Variants in ADGRB1 observed in about 807,000 individuals in gnomAD.
ADGRB1 encodes brain-specific angiogenesis inhibitor 1.
Under a neutral mutation model 175.7 loss-of-function variants are expected in ADGRB1, and 36 were observed. The ratio of observed to expected loss-of-function variants is 0.20; its 90% CI spans 0.16 to 0.27. The LOEUF is 0.27. ADGRB1 is among the 10% of genes least tolerant of loss of function. ADGRB1 has a pLI of 1.00. For synonymous variants in ADGRB1, 1,054 were observed against 979.4 expected (o/e 1.08, Z -1.42); for missense variants, 1,731 against 2,255.3 (o/e 0.77, Z 4.71).
At chr8:142,450,779 G>A (rs936450361) in intron 1 of ADGRB1, among the ~76,000 whole-genome samples, 3 of 152,104 alleles carry the variant, frequency 2.0e-5, no homozygotes, top group African/African-American at 7.2e-5. Context: ...CCCCACTTCG[G>A]GCGGAGGGCT....
intron 25 of ADGRB1, among the ~76,000 whole-genome samples, chr8:142,534,125 A>T (rs1470370461): frequency 3.9e-5 from 6 of 152,202 alleles, no homozygotes; most frequent in Non-Finnish European, 4.4e-5. Context: ...AGCCGACAGC[A>T]GGGGAGCCGG....
At chr8:142,488,106 G>A (rs1215534183) in intron 13 of ADGRB1, among the ~76,000 whole-genome samples, 4 of 152,166 alleles carry the variant, frequency 2.6e-5, no homozygotes, top group African/African-American at 9.6e-5. Context: ...GCCCCTCACC[G>A]AGGCTCCAAT....
intron 17 of ADGRB1, among the ~76,000 whole-genome samples, chr8:142,497,571 C>T (rs575982192): frequency 6.6e-5 from 10 of 152,290 alleles, no homozygotes; most frequent in African/African-American, 2.4e-4. Flanking sequence ...TCAGTATCTG[C>T]ACCATGATTG....
chr8:142,536,697 G>A (rs557941819), intron 25 of ADGRB1, among the ~76,000 whole-genome samples: 5 of 151,866 alleles, frequency 3.3e-5, no homozygotes, highest in African/African-American at 9.7e-5. Context: ...TCTCGCAGGC[G>A]GACTCTGGCC....
chr8:142,539,880 G>C (rs1845161077), intron 27 of ADGRB1: 1 of 164,802 alleles, frequency 6.1e-6, no homozygotes, highest in Admixed American at 6.4e-5. Flanking sequence ...AAGTGAGTGG[G>C]GCTTTCAGGC....
At chr8:142,489,004 G>C (rs555196268) in intron 14 of ADGRB1, 31 bp from the exon 15 acceptor site, 1 of 1,604,566 alleles carries the variant, frequency 6.2e-7, no homozygotes, top group South Asian at 1.1e-5. Flanking sequence ...TGGGGATGGC[G>C]GGCCGGGGTT....
rs1842756425 is a variant in ADGRB1, at chr8:142,504,297, T to C, written c.2676-6635T>C. On this transcript the variant is annotated intron_variant, in intron 17 of 30. Coordinates refer to ENST00000517894, the MANE Select transcript of ADGRB1 (RefSeq NM_001702.3). This position sits in a 1 kb window ranked among gnomAD's most constrained non-coding sequence, Gnocchi z 5.6. The stretch of plus-strand genomic sequence containing the variant: ...CTCCAGGAGCCCTGGAGGGGGAGGC[T>C]AATCACACAGGATGCGGGGCCTGTG... Among the ~76,000 whole-genome samples, 1 of 152,068 alleles carries C rather than the reference T, an allele frequency of 6.6e-6. No homozygotes were observed. The highest frequency in any genetic ancestry group is 1.5e-5 in the Non-Finnish European group (1 of 67,988).
intron 17 of ADGRB1, among the ~76,000 whole-genome samples, chr8:142,500,473 G>T (rs1238230937): frequency 1.3e-5 from 2 of 149,490 alleles, no homozygotes; most frequent in Non-Finnish European, 3.0e-5. Flanking sequence ...CATGCCTCGT[G>T]GGGGCGAGGG....
chr8:142,498,156 C>T (rs1304403263), intron 17 of ADGRB1, among the ~76,000 whole-genome samples: 1 of 152,156 alleles, frequency 6.6e-6, no homozygotes, highest in Non-Finnish European at 1.5e-5. Context: ...CTGCCCTGCC[C>T]CCCTACCCCT....
At chr8:142,450,633 C>G (rs903614273) in intron 1 of ADGRB1, among the ~76,000 whole-genome samples, 10 of 152,190 alleles carry the variant, frequency 6.6e-5, no homozygotes, top group Admixed American at 2.6e-4. Context: ...TGTAAGGGCC[C>G]GAGACGTCCT....
In ADGRB1 at chr8:142,542,815, C is replaced by T. The variant is rs1477046151; in HGVS notation, c.4413+168C>T. Reference sequence around the variant, plus strand: ...TGCTGGGTGTGCTGTGTATGTCTGACGTGTGGTCCCCACCCTAGGCTTGGC... The same window carrying T: ...TGCTGGGTGTGCTGTGTATGTCTGATGTGTGGTCCCCACCCTAGGCTTGGC... On this transcript the variant is annotated intron_variant, in intron 28 of 30. Transcript: ENST00000517894. This position sits in a 1 kb window ranked among gnomAD's most constrained non-coding sequence, Gnocchi z 6.3. 3.3e-5 allele frequency among the ~76,000 whole-genome samples: 5 copies of T among 152,112 alleles called. No homozygotes were observed. Among genetic ancestry groups the T allele is most frequent in the African/African-American group, 9.7e-5 (4 of 41,440 alleles).
At chr8:142,461,903 A>G (rs1282518834) in intron 1 of ADGRB1, among the ~76,000 whole-genome samples, 7 of 152,122 alleles carry the variant, frequency 4.6e-5, no homozygotes, top group Non-Finnish European at 1.0e-4. Flanking sequence ...GGCTCTGCCG[A>G]CACTCAGCCA....
chr8:142,452,920 GGCGCCCGCACC>G (rs1453707918), intron 1 of ADGRB1, among the ~76,000 whole-genome samples: 1 of 147,962 alleles, frequency 6.8e-6, no homozygotes, highest in African/African-American at 2.4e-5. Flanking sequence ...GCCGGGAGAG[GGCGCCCGCACC>G]GCGCCCGCGC....
chr8:142,488,515 G>C lies in ADGRB1; in HGVS notation c.2452+8G>C. The stretch of plus-strand genomic sequence containing the variant: ...TCTCCACGGGGCTGACAGGTGAGGG[G>C]CCCAGGGAGTGGAGGGGGACCTTCA... On this transcript the variant is annotated splice_region_variant and intron_variant, in intron 14 of 30. Coordinates refer to ENST00000517894, the MANE Select transcript of ADGRB1 (RefSeq NM_001702.3). 1.9e-6 allele frequency: 3 copies of C among 1,611,232 alleles called. No individual in the cohort carries two copies. Among genetic ancestry groups the C allele is most frequent in the Non-Finnish European group, 2.5e-6 (3 of 1,178,746 alleles).
rs537433110 is a variant in ADGRB1 at position 142,457,128 on chromosome 8, G to A, written c.-219-6852G>A. ...CAGTGAGGCCCGGAACCTGAGGGCC[G>A]TTGGAAAGCTGGCCTCTGACGCTGG... On this transcript the variant is annotated intron_variant, in intron 1 of 30. Transcript: ENST00000517894. 3.5e-3 allele frequency among the ~76,000 whole-genome samples: 535 copies of A among 152,308 alleles called. 4 individuals are homozygous for A. Among genetic ancestry groups the A allele is most frequent in the South Asian group, 0.016 (79 of 4,824 alleles).
Position 142,477,385 on chromosome 8 carries a change from T to C in ADGRB1, c.1223T>C (p.Val408Ala), listed in dbSNP as rs763094619. 1 of 1,604,168 alleles carries C rather than the reference T, an allele frequency of 6.2e-7. No individual in the cohort carries two copies. The highest frequency in any genetic ancestry group is 8.5e-7 in the Non-Finnish European group (1 of 1,178,682). Reference sequence around the variant, plus strand: ...AGCAGCACCTTCCGTCCCTCTGCAGTGCATGGTGCCTGGGATGAGTGGTCG... The same window carrying C: ...AGCAGCACCTTCCGTCCCTCTGCAGCGCATGGTGCCTGGGATGAGTGGTCG... ...RLCNNSAVCP[V>A]HGAWDEWSPW... Residue 408 changes from valine (V) to alanine (A), a missense_variant and splice_region_variant, in exon 6 of 31, where the codon GTG becomes GCG. This residue lies in a region of ADGRB1 where 178 missense variants were observed against 227.8 expected (regional missense o/e 0.78). Coordinates refer to ENST00000517894, the MANE Select transcript of ADGRB1 (RefSeq NM_001702.3).
chr8:142,495,041 G>A (rs1842149416), intron 17 of ADGRB1, among the ~76,000 whole-genome samples: 1 of 152,162 alleles, frequency 6.6e-6, no homozygotes, highest in African/African-American at 2.4e-5. Context: ...TGTATCCCTA[G>A]AATTGAGCCC....
chr8:142,544,230 A>T lies in ADGRB1; in HGVS notation c.4568A>T (p.Gln1523Leu), dbSNP rs1168543968. ...CGGGCCACCCAGCAGCCGGAAAAGC[A>T]GCAGACGCCCAACAAGAGGCCCTGG... ...VLGPDSKPEK[Q>L]QTPNKRPWES... The change falls in exon 31 of 31, where the codon CAG becomes CTG. Residue 1523 changes from glutamine (Q) to leucine (L), a missense_variant. This residue lies in a region of ADGRB1 where 394 missense variants were observed against 410.2 expected (regional missense o/e 0.96). Coordinates refer to ENST00000517894, the MANE Select transcript of ADGRB1 (RefSeq NM_001702.3). The T allele has an allele frequency of 1.9e-6, 3 of 1,548,804 alleles. No homozygotes were observed. Among genetic ancestry groups the T allele is most frequent in the Non-Finnish European group, 2.6e-6 (3 of 1,146,628 alleles).
Position 142,537,142 on chromosome 8 carries a change from C to T in ADGRB1, c.3666+60C>T. ...ACCTGCCTCGTACCCCCGCCAAGTG[C>T]CTCCAGGCCCTCACCGTGCCCCAAG... On this transcript the variant is annotated intron_variant, in intron 26 of 30. Coordinates refer to ENST00000517894, the MANE Select transcript of ADGRB1 (RefSeq NM_001702.3). This position sits in a 1 kb window ranked among gnomAD's most constrained non-coding sequence, Gnocchi z 4.6. 4 of 1,289,178 alleles carry T rather than the reference C, an allele frequency of 3.1e-6. No homozygotes were observed. The highest frequency in any genetic ancestry group is 2.0e-6 in the Non-Finnish European group (2 of 980,700). 79.9% of individuals were successfully genotyped at this position (1,289,178 alleles called of 1,614,324 possible).
Sources: allele counts gnomAD v4.1 joint callset (sites outside exome capture counted in the v4.1 genomes callset), GRCh38; gene constraint gnomAD v4.1.1; regional missense constraint gnomAD v4.1.1; non-coding constraint Gnocchi (gnomAD v3.1); transcripts MANE v1.5; gene names NCBI Gene and HGNC (gene_info 2026-07-23, HGNC 2026-07-21).